Variants in TEX2 observed in about 807,000 individuals in gnomAD.
TEX2 encodes testis-expressed protein 2.
In TEX2, 53 loss-of-function variants were observed where a neutral mutation model predicts 106.9. The observed-to-expected ratio is 0.50, with a 90% CI of 0.40 to 0.62. The LOEUF (loss-of-function observed/expected upper bound fraction) is 0.62. TEX2 is among the 20% of genes least tolerant of loss of function. TEX2 has a pLI of 0.00. For missense variants in TEX2, 1,207 were observed against 1,379.0 expected (o/e 0.88, Z 1.98); for synonymous variants, 523 against 534.8 (o/e 0.98, Z 0.30).
intron 2 of TEX2, among the ~76,000 whole-genome samples, chr17:64,210,559 A>G (rs2032966662): frequency 6.6e-6 from 1 of 151,310 alleles, no homozygotes; most frequent in Admixed American, 6.6e-5. Context: ...ATTTCCTTTG[A>G]ACAAGGAAAA....
In TEX2 at chr17:64,177,363, C is replaced by G; in HGVS notation, c.2533G>C (p.Val845Leu). The G allele has an allele frequency of 6.2e-7, 1 of 1,614,148 alleles. No homozygotes were observed. Among genetic ancestry groups the G allele is most frequent in the Non-Finnish European group, 8.5e-7 (1 of 1,179,998 alleles). Residue 845 changes from valine to leucine, a missense_variant, in exon 6 of 12, where the codon GTG becomes CTG. Val to Leu is a conservative substitution (Grantham distance 32). Transcript: ENST00000584379. ...AGTTTCATTTGGATCTTCTTAGACA[C>G]CAGATCAGACCAGTATTTCTCTCCT... is the stretch of plus-strand genomic sequence containing the variant. ...FLGEKYWSDL[V>L]SKKIQMKLSK...
chr17:64,189,543 A>G (rs1169465610), intron 4 of TEX2, among the ~76,000 whole-genome samples: 2 of 152,216 alleles, frequency 1.3e-5, no homozygotes, highest in Admixed American at 6.5e-5. Flanking sequence ...GAGATTAGCC[A>G]GGAACAGACT....
intron 6 of TEX2, among the ~76,000 whole-genome samples, chr17:64,177,077 C>G (rs2031645718): frequency 6.6e-6 from 1 of 152,140 alleles, no homozygotes; most frequent in Non-Finnish European, 1.5e-5. Context: ...TCTGGATTAT[C>G]ACCTGGAGTG....
chr17:64,171,534 TGAG>T (rs2031398660), intron 6 of TEX2, among the ~76,000 whole-genome samples: 1 of 151,918 alleles, frequency 6.6e-6, no homozygotes, highest in South Asian at 2.1e-4. Context: ...CTGTTTTGGC[TGAG>T]GAGGTCAGGG....
chr17:64,179,427 C>T (rs902264271), intron 5 of TEX2, among the ~76,000 whole-genome samples: 1 of 152,340 alleles, frequency 6.6e-6, no homozygotes, highest in East Asian at 1.9e-4. Context: ...CCAGCAGCAG[C>T]GGCAACCTGC....
chr17:64,192,690 A>T (rs1242792465), intron 4 of TEX2, among the ~76,000 whole-genome samples: 1 of 152,214 alleles, frequency 6.6e-6, no homozygotes, highest in African/African-American at 2.4e-5. Context: ...TCTGGTGTTG[A>T]AGCTGACAGA....
chr17:64,227,634 CT>C (rs1158198248), intron 1 of TEX2, among the ~76,000 whole-genome samples: 1 of 152,188 alleles, frequency 6.6e-6, no homozygotes, highest in Non-Finnish European at 1.5e-5. Flanking sequence ...TGAGGACACA[CT>C]GTATGTATGT....
chr17:64,245,116 A>G (rs2033962930), intron 1 of TEX2, among the ~76,000 whole-genome samples: 1 of 152,186 alleles, frequency 6.6e-6, no homozygotes, highest in African/African-American at 2.4e-5. Context: ...CTAAACCAAA[A>G]GGTACCAGTC....
At chr17:64,228,066 A>G (rs1672018407) in intron 1 of TEX2, among the ~76,000 whole-genome samples, 1 of 152,236 alleles carries the variant, frequency 6.6e-6, no homozygotes, top group Non-Finnish European at 1.5e-5. Flanking sequence ...CTAGCTATAG[A>G]TAAACCTTTG....
intron 1 of TEX2, among the ~76,000 whole-genome samples, chr17:64,240,906 A>G (rs747220299): frequency 7.0e-4 from 106 of 152,354 alleles, no homozygotes; most frequent in Non-Finnish European, 1.4e-3. Context: ...AGGGCTGAGC[A>G]GGTCACATGT....
At chr17:64,252,537 G>C (rs2034111752) in intron 1 of TEX2, among the ~76,000 whole-genome samples, 1 of 152,088 alleles carries the variant, frequency 6.6e-6, no homozygotes, top group African/African-American at 2.4e-5. Flanking sequence ...GGCTGGTCTT[G>C]AATCCTGGGC....
At chr17:64,260,905 GAATT>G (rs1555638455) in intron 1 of TEX2, among the ~76,000 whole-genome samples, 2 of 152,100 alleles carry the variant, frequency 1.3e-5, no homozygotes, top group Non-Finnish European at 1.5e-5. Flanking sequence ...CTGAATGAAT[GAATT>G]GACAAATGGA....
intron 8 of TEX2, 133 bp from the exon 9 acceptor site, chr17:64,155,100 T>C: frequency 8.7e-7 from 1 of 1,152,472 alleles, no homozygotes; most frequent in South Asian, 2.1e-5. Context: ...ATCTCGTCAT[T>C]CTCTCCAACC....
intron 2 of TEX2, among the ~76,000 whole-genome samples, chr17:64,212,087 A>G (rs556628584): frequency 6.6e-6 from 1 of 152,216 alleles, no homozygotes; most frequent in Admixed American, 6.5e-5. Flanking sequence ...ATGCAGTGAA[A>G]GATGACATCT....
intron 1 of TEX2, among the ~76,000 whole-genome samples, chr17:64,242,841 G>A (rs933539530): frequency 1.3e-5 from 2 of 151,950 alleles, no homozygotes; most frequent in African/African-American, 2.4e-5. Context: ...ATCCCAACAC[G>A]TTTGGAAGCC....
chr17:64,213,154 C>A lies in TEX2; in HGVS notation c.1064G>T (p.Gly355Val). The A allele has an allele frequency of 6.2e-7, 1 of 1,614,172 alleles. No individual in the cohort carries two copies. The highest frequency in any genetic ancestry group is 8.5e-7 in the Non-Finnish European group (1 of 1,180,040). The change falls in exon 2 of 12, where the codon GGG becomes GTG. Residue 355 changes from glycine to valine, a missense_variant. Around this residue, in one of 3 missense-constraint regions of TEX2, gnomAD observed 1,067 missense variants for 1,193.6 expected, o/e 0.89. Coordinates refer to ENST00000584379, the MANE Select transcript of TEX2 (RefSeq NM_001288732.2). This position sits in a 1 kb window ranked among gnomAD's most constrained non-coding sequence, Gnocchi z 4.4. ...SIKEEECDSE[G>V]DGYGSDSNIP... is the part of the protein sequence containing the mutation. ...GTTGGAATCACTTCCGTAGCCATCC[C>A]CCTCAGAATCACACTCCTCCTCCTT... is the stretch of plus-strand genomic sequence containing the variant.
rs1337444094 is a variant in TEX2 at position 64,217,215 on chromosome 17, T to A, written c.-25-2973A>T. Among the ~76,000 whole-genome samples the A allele has an allele frequency of 2.6e-5, 4 of 152,154 alleles. No homozygotes were observed. Among genetic ancestry groups the A allele is most frequent in the African/African-American group, 9.7e-5 (4 of 41,436 alleles). On this transcript the variant is annotated intron_variant, in intron 1 of 11. Transcript: ENST00000584379. This position sits in a 1 kb window ranked among gnomAD's most constrained non-coding sequence, Gnocchi z 4.3. ...TTTGGGCTCTAGACAACCTATCAAG[T>A]GGTCACTGCCTCTGCCTCCTCCTGG... is the stretch of plus-strand genomic sequence containing the variant.
chr17:64,188,263 T>G lies in TEX2; in HGVS notation c.2329A>C (p.Ser777Arg). 1 of 1,614,046 alleles carries G rather than the reference T, an allele frequency of 6.2e-7. No homozygotes were observed. Among genetic ancestry groups the G allele is most frequent in the Non-Finnish European group, 8.5e-7 (1 of 1,180,038 alleles). Residue 777 changes from serine (S) to arginine (R), a missense_variant, in exon 5 of 12, where the codon AGC (serine) becomes CGC (arginine). Around this residue, in one of 3 missense-constraint regions of TEX2, gnomAD observed 1,067 missense variants for 1,193.6 expected, o/e 0.89. Coordinates refer to ENST00000584379, the MANE Select transcript of TEX2 (RefSeq NM_001288732.2). ...GGGACACACCTGCCCATGTACACGC[T>G]GTAGTCGAGAAGCATCTTCTGCCGC... The part of the protein sequence containing the change: ...SVRQKMLLDY[S>R]VYMGRCVPQE...
At chr17:64,187,595 A>G (rs929250207) in intron 5 of TEX2, among the ~76,000 whole-genome samples, 6 of 151,888 alleles carry the variant, frequency 4.0e-5, no homozygotes, top group Non-Finnish European at 8.8e-5. Flanking sequence ...TCAACATCAT[A>G]CCCTGCTCAA....
Sources: allele counts gnomAD v4.1 joint callset (sites outside exome capture counted in the v4.1 genomes callset), GRCh38; gene constraint gnomAD v4.1.1; regional missense constraint gnomAD v4.1.1; non-coding constraint Gnocchi (gnomAD v3.1); transcripts MANE v1.5; gene names NCBI Gene and HGNC (gene_info 2026-07-23, HGNC 2026-07-21).